The following PFKFB3 variants were observed in gnomAD, a reference collection of about 807,000 sequenced individuals.
PFKFB3 encodes the protein 6-phosphofructo-2-kinase/fructose-2,6-bisphosphatase 3.
Under a neutral mutation model 68.0 loss-of-function variants are expected in PFKFB3, and 33 were observed. That is an observed-to-expected ratio of 0.49 (90% confidence interval 0.37 to 0.65). The LOEUF is 0.65. Among genes scored for constraint, PFKFB3 ranks in the 30% least tolerant of loss-of-function variants. PFKFB3 has a pLI of 0.00. For synonymous variants in PFKFB3, 315 were observed against 288.2 expected (o/e 1.09, Z -0.94); for missense variants, 586 against 712.2 (o/e 0.82, Z 2.02).
At chr10:6,247,371 G>A (rs559810850) in intron 14 of PFKFB3, among the ~76,000 whole-genome samples, 1 of 152,212 alleles carries the variant, frequency 6.6e-6, no homozygotes, top group East Asian at 1.9e-4. Flanking sequence ...TCTTCTTGTG[G>A]GGAAGAAAAA....
At chr10:6,181,228 C>T (rs1446112602) in intron 1 of PFKFB3, among the ~76,000 whole-genome samples, 2 of 152,146 alleles carry the variant, frequency 1.3e-5, no homozygotes, top group South Asian at 2.1e-4. Flanking sequence ...GCTGTGTTGG[C>T]TCTGCTGGTC....
At chr10:6,291,157 A>G in the PFKFB3 span, among the ~76,000 whole-genome samples, 23 of 152,352 alleles carry the variant, frequency 1.5e-4, no homozygotes, top group African/African-American at 5.3e-4. Context: ...AAATTACTAG[A>G]AAAATATTCT....
chr10:6,229,261 T>C lies in PFKFB3; in HGVS notation c.1515+2896T>C. On this transcript the variant is annotated intron_variant, in intron 14 of 14. Transcript: ENST00000379775. This position sits in a 1 kb window ranked among gnomAD's most constrained non-coding sequence, Gnocchi z 4.3. ...CCAGTGTCCTCCATGTCCACGTTCC[T>C]TAAGACCACCCTGGGAGGTCGGCAG... 6.5e-6 allele frequency: 3 copies of C among 459,484 alleles called. No homozygotes were observed. Among genetic ancestry groups the C allele is most frequent in the South Asian group, 4.7e-5 (3 of 63,656 alleles). 28.5% of individuals were successfully genotyped at this position (459,484 alleles called of 1,614,324 possible).
At chr10:6,284,471 T>C in the PFKFB3 span, among the ~76,000 whole-genome samples, 1 of 152,238 alleles carries the variant, frequency 6.6e-6, no homozygotes, top group Non-Finnish European at 1.5e-5. Flanking sequence ...CTCTGAAGTC[T>C]GCTTTGTCTG....
chr10:6,237,512 C>CA (rs1846042631), downstream of PFKFB3, among the ~76,000 whole-genome samples: 1 of 152,226 alleles, frequency 6.6e-6, no homozygotes, highest in Non-Finnish European at 1.5e-5. Flanking sequence ...ATTGTATTAA[C>CA]AAAAATTCAA....
At chr10:6,202,581 A>G (rs2131855795), upstream of PFKFB3, 1 of 153,450 alleles carries the variant, frequency 6.5e-6, no homozygotes, top group African/African-American at 2.4e-5. Context: ...TACACTGGGC[A>G]GGACTGCGTC....
the PFKFB3 span, among the ~76,000 whole-genome samples, chr10:6,287,260 T>C: frequency 6.6e-6 from 1 of 152,054 alleles, no homozygotes; most frequent in Non-Finnish European, 1.5e-5. Context: ...CATCTAACTT[T>C]TGTATTTTTA....
intron 1 of PFKFB3, among the ~76,000 whole-genome samples, chr10:6,196,192 T>G (rs1464889057): frequency 1.3e-5 from 2 of 150,800 alleles, no homozygotes. Context: ...AGTGCACTGG[T>G]GCAATCACAA....
the PFKFB3 span, among the ~76,000 whole-genome samples, chr10:6,288,607 T>C: frequency 6.6e-6 from 1 of 151,906 alleles, no homozygotes; most frequent in South Asian, 2.1e-4. Flanking sequence ...CTATCATTGT[T>C]GGACATTTGG....
At chr10:6,253,897 A>G (rs1846437693) in intron 14 of PFKFB3, among the ~76,000 whole-genome samples, 1 of 152,072 alleles carries the variant, frequency 6.6e-6, no homozygotes, top group Non-Finnish European at 1.5e-5. Context: ...TACAAAAATT[A>G]GCCAGGCATG....
chr10:6,181,060 G>T (rs535407850), intron 1 of PFKFB3, among the ~76,000 whole-genome samples: 1 of 152,054 alleles, frequency 6.6e-6, no homozygotes, highest in African/African-American at 2.4e-5. Flanking sequence ...TGTCGCTCAG[G>T]CTGGAGTGCA....
chr10:6,241,398 T>C (rs1846137827), intron 14 of PFKFB3, among the ~76,000 whole-genome samples: 1 of 152,200 alleles, frequency 6.6e-6, no homozygotes, highest in Non-Finnish European at 1.5e-5. Flanking sequence ...GTCTAACCAC[T>C]CTTACCAGGC....
chr10:6,177,389 T>TTTCTTTCTTTCTTTCTTTCTTTTTC (rs374332811), intron 1 of PFKFB3, among the ~76,000 whole-genome samples: 2 of 123,078 alleles, frequency 1.6e-5, no homozygotes, highest in South Asian at 6.2e-4. Flanking sequence ...TCTTTCTTTC[T>TTTCTTTCTTTCTTTCTTTCTTTTTC]TTCTTTCTTT....
the PFKFB3 span, among the ~76,000 whole-genome samples, chr10:6,321,479 T>A: frequency 6.6e-6 from 1 of 152,166 alleles, no homozygotes; most frequent in Non-Finnish European, 1.5e-5. Flanking sequence ...AACTTCCCCC[T>A]CCAGTGTGAT....
In PFKFB3 at chr10:6,222,090, G is replaced by A. The variant is rs376156408; in HGVS notation, c.1083+345G>A. On this transcript the variant is annotated intron_variant, in intron 10 of 14. Coordinates refer to ENST00000379775, the MANE Select transcript of PFKFB3 (RefSeq NM_004566.4). ...CTGTGCTTCCCCGTGCACGGTGCCC[G>A]GGTGGCTGTGGCTGAGGACGCTGTT... is the stretch of plus-strand genomic sequence containing the variant. 1.6e-4 allele frequency among the ~76,000 whole-genome samples: 25 copies of A among 152,232 alleles called. 1 individual carries two copies. In the East Asian group the frequency reaches 2.3e-3, roughly 14 times the overall value.
chr10:6,235,935 T>A (rs889245462), downstream of PFKFB3, among the ~76,000 whole-genome samples: 1 of 151,756 alleles, frequency 6.6e-6, no homozygotes, highest in Admixed American at 6.6e-5. Flanking sequence ...CCCAGCTAAT[T>A]TTTGTATTTT....
intron 1 of PFKFB3, chr10:6,197,611 C>G (rs1355591868): frequency 6.6e-6 from 1 of 152,002 alleles, no homozygotes; most frequent in Non-Finnish European, 1.5e-5. Flanking sequence ...AAGCTCAAGC[C>G]ATCCTCCACA....
the PFKFB3 span, among the ~76,000 whole-genome samples, chr10:6,270,668 T>C: frequency 6.6e-6 from 1 of 152,228 alleles, no homozygotes; most frequent in African/African-American, 2.4e-5. Context: ...ATGCATCAGA[T>C]GGTGTCATGG....
chr10:6,151,204 TG>T (rs1421111502), intron 1 of PFKFB3, among the ~76,000 whole-genome samples: 2 of 152,036 alleles, frequency 1.3e-5, no homozygotes, highest in African/African-American at 4.8e-5. Context: ...GTATCTTGTG[TG>T]CGGGTCTGAG....
Sources: gnomAD v4.1 joint callset for allele counts (sites outside exome capture counted in the v4.1 genomes callset) on GRCh38, gnomAD v4.1.1 for gene constraint, Gnocchi (gnomAD v3.1) non-coding constraint, MANE v1.5 for transcripts, NCBI Gene and HGNC (gene_info 2026-07-23, HGNC 2026-07-21) for gene names.